Variants in DIP2C observed in about 807,000 individuals in gnomAD.
The protein encoded by DIP2C is disco-interacting protein 2 homolog C.
In DIP2C, 33 loss-of-function variants were observed where a neutral mutation model predicts 192.4. The ratio of observed to expected loss-of-function variants is 0.17; its 90% confidence interval spans 0.13 to 0.23. The LOEUF is 0.23. Among genes scored for constraint, DIP2C ranks in the 10% least tolerant of loss-of-function variants. DIP2C has a pLI of 1.00. For synonymous variants in DIP2C, 979 were observed against 864.1 expected, an observed-to-expected ratio of 1.13 and a Z score of -2.33; for missense variants, 1,537 against 2,110.1, an observed-to-expected ratio of 0.73 and a Z score of 5.32.
chr10:398,833 A>C lies in DIP2C; in HGVS notation c.1260+276T>G, dbSNP rs192438331. On this transcript the variant is annotated intron_variant, in intron 10 of 36. Transcript: ENST00000280886. ...AAAAACTATCATTTACCCCAATTCT[A>C]GTGCACATGACACCAAGGAACAAGA... 2.0e-3 allele frequency among the ~76,000 whole-genome samples: 312 copies of C among 152,204 alleles called. 1 individual carries two copies. Among genetic ancestry groups the C allele is most frequent in the Middle Eastern group, 0.014 (4 of 294 alleles).
At chr10:365,909 C>T (rs1395368558) in intron 19 of DIP2C, among the ~76,000 whole-genome samples, 4 of 152,334 alleles carry the variant, frequency 2.6e-5, no homozygotes, top group Middle Eastern at 3.4e-3. Flanking sequence ...TACCTGGCCA[C>T]GTGTAGCCCA....
In DIP2C at chr10:419,126, A is replaced by T. The variant is rs1965999283; in HGVS notation, c.678T>A (p.Gly226=). The change falls in exon 6 of 37, where the codon GGT becomes GGA. Residue 226 remains glycine (G), a synonymous_variant. Transcript: ENST00000280886. ...TGGGCGCTGTCCGGGACCCCGTGGA[A>T]CCCTGCGGTCTCTCCACCTGTATCG... ...EHSIQVERPQ[G]STGSRTAPKY... 6.2e-7 allele frequency: 1 copy of T among 1,614,128 alleles called. No individual in the cohort carries two copies. Among genetic ancestry groups the T allele is most frequent in the Admixed American group, 1.7e-5 (1 of 60,014 alleles).
At chr10:650,401 C>G (rs1564304987) in intron 1 of DIP2C, 3 of 716,082 alleles carry the variant, frequency 4.2e-6, no homozygotes, top group Non-Finnish European at 7.8e-6. Context: ...ACGCCCCAGA[C>G]CAACACGAGA....
chr10:687,617 C>G (rs1831382168), intron 1 of DIP2C, among the ~76,000 whole-genome samples: 1 of 152,228 alleles, frequency 6.6e-6, no homozygotes, highest in South Asian at 2.1e-4. Flanking sequence ...TTTAAAAAAC[C>G]TGTACAGACG....
intron 17 of DIP2C, among the ~76,000 whole-genome samples, chr10:374,671 C>T (rs1351291919): frequency 1.3e-5 from 2 of 152,206 alleles, no homozygotes; most frequent in East Asian, 3.8e-4. Flanking sequence ...TTCAGTAAAA[C>T]ACCATTTGTT....
intron 1 of DIP2C, among the ~76,000 whole-genome samples, chr10:592,002 T>A (rs972934361): frequency 2.6e-5 from 4 of 152,312 alleles, no homozygotes; most frequent in African/African-American, 9.6e-5. Context: ...TATTCAAGTG[T>A]CATTTCACAT....
chr10:484,695 C>T (rs1039827008), intron 2 of DIP2C: 10 of 1,498,562 alleles, frequency 6.7e-6, no homozygotes, highest in Admixed American at 6.3e-5. Flanking sequence ...ACACCCTACA[C>T]GTCTGTACGG....
At chr10:412,675 C>T (rs1443608994) in intron 8 of DIP2C, among the ~76,000 whole-genome samples, 1 of 152,144 alleles carries the variant, frequency 6.6e-6, no homozygotes. Context: ...CCTCCCAGAG[C>T]CCCACCCTGA....
intron 4 of DIP2C, among the ~76,000 whole-genome samples, chr10:433,882 C>G (rs1252026385): frequency 6.6e-6 from 1 of 151,732 alleles, no homozygotes; most frequent in East Asian, 1.9e-4. Flanking sequence ...TATTTTCTAT[C>G]TGTTGCCCTT....
intron 1 of DIP2C, among the ~76,000 whole-genome samples, chr10:560,858 G>A (rs1849174513): frequency 6.6e-6 from 1 of 152,158 alleles, no homozygotes; most frequent in South Asian, 2.1e-4. Context: ...GAATTAGACA[G>A]AACTTAGACT....
At chr10:568,325 C>A (rs369678286) in intron 1 of DIP2C, among the ~76,000 whole-genome samples, 3 of 152,160 alleles carry the variant, frequency 2.0e-5, no homozygotes, top group Admixed American at 6.5e-5. Context: ...CCGACTCATG[C>A]GTGAAATCAG....
chr10:671,677 G>A (rs140168001), intron 1 of DIP2C, among the ~76,000 whole-genome samples: 2,916 of 76,120 alleles, frequency 0.038, 441 homozygotes, highest in African/African-American at 0.16. Flanking sequence ...CGTCACAGAC[G>A]CACCGACGGA....
intron 1 of DIP2C, among the ~76,000 whole-genome samples, chr10:620,328 G>A (rs1281100076): frequency 6.6e-6 from 1 of 152,040 alleles, no homozygotes; most frequent in African/African-American, 2.4e-5. Flanking sequence ...ATCATTAAAC[G>A]TTTCACAAGC....
intron 1 of DIP2C, among the ~76,000 whole-genome samples, chr10:553,970 G>A (rs567355519): frequency 7.3e-5 from 11 of 150,766 alleles, no homozygotes; most frequent in South Asian, 2.1e-4. Context: ...AAACGTATAC[G>A]CTTGTAACTG....
intron 8 of DIP2C, among the ~76,000 whole-genome samples, chr10:413,186 C>A (rs1334343399): frequency 2.0e-5 from 3 of 152,188 alleles, no homozygotes; most frequent in Non-Finnish European, 4.4e-5. Flanking sequence ...AATAGCCTGA[C>A]AATCTGCCCC....
chr10:349,125 C>G (rs192026222), intron 25 of DIP2C, among the ~76,000 whole-genome samples: 1 of 152,226 alleles, frequency 6.6e-6, no homozygotes, highest in South Asian at 2.1e-4. Flanking sequence ...ACTTTATTGA[C>G]GCCTCTCACA....
intron 18 of DIP2C, 60 bp downstream of exon 18, chr10:369,434 C>T (rs1960690993): frequency 6.8e-7 from 1 of 1,473,330 alleles, no homozygotes; most frequent in Non-Finnish European, 9.0e-7. Flanking sequence ...GCTTTGGTGA[C>T]ATGTGTTAGA....
intron 29 of DIP2C, among the ~76,000 whole-genome samples, chr10:329,920 G>A (rs1433987528): frequency 6.6e-6 from 1 of 151,980 alleles, no homozygotes. Flanking sequence ...CTCTTTCTTA[G>A]TAGAAAACAC....
At chr10:484,693 C>CA in intron 2 of DIP2C, 1 of 1,485,458 alleles carries the variant, frequency 6.7e-7, no homozygotes, top group Non-Finnish European at 8.9e-7. Context: ...CCACACCCTA[C>CA]ACGTCTGTAC....
Sources: gnomAD v4.1 joint callset for allele counts (sites outside exome capture counted in the v4.1 genomes callset) on GRCh38, gnomAD v4.1.1 for gene constraint, MANE v1.5 for transcripts, NCBI Gene and HGNC (gene_info 2026-07-23, HGNC 2026-07-21) for gene names.